Variants in PRR7 observed in about 807,000 individuals in gnomAD.
PRR7 encodes proline-rich protein 7.
Under a neutral mutation model 18.5 loss-of-function variants are expected in PRR7, and 8 were observed. The ratio of observed to expected loss-of-function variants is 0.43; its 90% CI spans 0.25 to 0.78. The LOEUF (loss-of-function observed/expected upper bound fraction) is 0.78, where lower values mean the gene tolerates loss of function less well. Among genes scored for constraint, PRR7 ranks in the 30% least tolerant of loss-of-function variants. PRR7 has a pLI of 0.22. For synonymous variants in PRR7, 221 were observed against 187.7 expected (o/e 1.18, Z -1.45); for missense variants, 396 against 403.1 (o/e 0.98, Z 0.15).
chr5:177,455,236 G>A lies in PRR7; in HGVS notation c.169G>A (p.Glu57Lys). 1 of 1,560,744 alleles carries A rather than the reference G, an allele frequency of 6.4e-7. No homozygotes were observed. Among genetic ancestry groups the A allele is most frequent in the Non-Finnish European group, 8.6e-7 (1 of 1,162,176 alleles). Residue 57 changes from glutamate to lysine, a missense_variant, in exon 3 of 4, where the codon GAG (glutamate) becomes AAG (lysine). Transcript: ENST00000323249. The surrounding 1 kb of genome is among the most constrained non-coding windows in gnomAD (Gnocchi z 6.9). ...GCAGAACCTGCGCGCCCTAGAGCTGGAGCCCCTCGAACTCGAGGGCAGTCT... is the reference window on the plus strand; with the variant it reads ...GCAGAACCTGCGCGCCCTAGAGCTGAAGCCCCTCGAACTCGAGGGCAGTCT... ...REQNLRALEL[E>K]PLELEGSLAG...
In PRR7 at chr5:177,455,092, A is replaced by G; in HGVS notation, c.25A>G (p.Thr9Ala). The G allele has an allele frequency of 6.7e-7, 1 of 1,494,856 alleles. No homozygotes were observed. The highest frequency in any genetic ancestry group is 8.9e-7 in the Non-Finnish European group (1 of 1,121,860). 92.6% of individuals were successfully genotyped at this position (1,494,856 alleles called of 1,614,324 possible). A position where few individuals can be genotyped will look rare whatever the true frequency, so the allele number is the denominator to read the frequency against. Residue 9 changes from threonine to alanine, a missense_variant, in exon 3 of 4, where the codon ACG (threonine) becomes GCG (alanine). Thr to Ala is a moderately conservative substitution (Grantham distance 58). This residue lies in a region of PRR7 where 13 missense variants were observed against 30.6 expected (regional missense o/e 0.43). Transcript: ENST00000323249. The surrounding 1 kb of genome is among the most constrained non-coding windows in gnomAD (Gnocchi z 6.9). MVMSQGTY[T>A]FLTCFAGFWL... ...CATGGTGATGTCCCAGGGCACCTAC[A>G]CGTTCCTCACGTGCTTCGCCGGCTT...
rs1756278672 is a variant in PRR7, at chr5:177,454,075, A to G, written c.-240+35A>G. ...AAAGACTAGCTTCCAACCCTCATCTAGTTTTCCTCCCCTCCGCGAGAGGGA... is the reference window on the plus strand; with the variant it reads ...AAAGACTAGCTTCCAACCCTCATCTGGTTTTCCTCCCCTCCGCGAGAGGGA... On this transcript the variant is annotated intron_variant, in intron 2 of 3. Coordinates refer to ENST00000323249, the MANE Select transcript of PRR7 (RefSeq NM_030567.5). The surrounding 1 kb of genome is among the most constrained non-coding windows in gnomAD (Gnocchi z 4.7). 1 of 152,376 alleles carries G rather than the reference A, an allele frequency of 6.6e-6. No individual in the cohort carries two copies. The allele number at this position is 152,376 out of a possible 1,614,324, so 9.4% of individuals were successfully genotyped here. A position where few individuals can be genotyped will look rare whatever the true frequency, so the allele number is the denominator to read the frequency against.
Position 177,454,589 on chromosome 5 carries a change from C to T in PRR7, c.-239-240C>T, listed in dbSNP as rs941787082. 1.3e-5 allele frequency among the ~76,000 whole-genome samples: 2 copies of T among 152,076 alleles called. No individual in the cohort carries two copies. Among genetic ancestry groups the T allele is most frequent in the Non-Finnish European group, 2.9e-5 (2 of 67,962 alleles). On this transcript the variant is annotated intron_variant, in intron 2 of 3. Transcript: ENST00000323249. This position sits in a 1 kb window ranked among gnomAD's most constrained non-coding sequence, Gnocchi z 4.7. The stretch of plus-strand genomic sequence containing the variant: ...GTCCTTCGCGCGCCCCCTGCTGGCC[C>T]GCCTCGGCTCCCCTCGGCGCCCGGG...
At position 177,454,878 on chromosome 5, in the gene PRR7, G is replaced by A; in HGVS notation, c.-190G>A. 1.4e-6 allele frequency: 1 copy of A among 723,608 alleles called. No homozygotes were observed. Among genetic ancestry groups the A allele is most frequent in the Non-Finnish European group, 1.9e-6 (1 of 535,830 alleles). 44.8% of individuals were successfully genotyped at this position (723,608 alleles called of 1,614,324 possible). Reference sequence around the variant, plus strand: ...ACGCCCGCGCGCCCGCCGGCGCCATGGGAAGGAGCGGGCGCCGCTGCTGTC... The same window carrying A: ...ACGCCCGCGCGCCCGCCGGCGCCATAGGAAGGAGCGGGCGCCGCTGCTGTC... On this transcript the variant is annotated 5_prime_UTR_variant, in exon 3 of 4. An upstream start codon of the reference 5' UTR is lost. Transcript: ENST00000323249. This position sits in a 1 kb window ranked among gnomAD's most constrained non-coding sequence, Gnocchi z 4.7.
chr5:177,455,259 T>A lies in PRR7; in HGVS notation c.192T>A (p.Ser64Arg). The change falls in exon 3 of 4, where the codon AGT (serine) becomes AGA (arginine). Residue 64 changes from serine (S) to arginine (R), a missense_variant. Transcript: ENST00000323249. The surrounding 1 kb of genome is among the most constrained non-coding windows in gnomAD (Gnocchi z 6.9). ...LELEPLELEGSLAGSPPGLAP... is the reference protein window; with the variant it reads ...LELEPLELEGRLAGSPPGLAP... Reference sequence around the variant, plus strand: ...TGGAGCCCCTCGAACTCGAGGGCAGTCTGGCCGGGAGCCCCCCGGGCCTGG... The same window carrying A: ...TGGAGCCCCTCGAACTCGAGGGCAGACTGGCCGGGAGCCCCCCGGGCCTGG... 2 of 1,538,398 alleles carry A rather than the reference T, an allele frequency of 1.3e-6. No homozygotes were observed. The highest frequency in any genetic ancestry group is 1.7e-6 in the Non-Finnish European group (2 of 1,151,232).
At chr5:177,451,286 G>A (rs1189935966) in intron 1 of PRR7, among the ~76,000 whole-genome samples, 1 of 152,224 alleles carries the variant, frequency 6.6e-6, no homozygotes, top group Non-Finnish European at 1.5e-5. Context: ...CTTGAGCCAA[G>A]TGTTCTCATC....
At position 177,449,131 on chromosome 5, in the gene PRR7, C is replaced by T. The variant is rs1756061095; in HGVS notation, c.-325+2171C>T. Among the ~76,000 whole-genome samples the T allele has an allele frequency of 6.6e-6, 1 of 152,196 alleles. No individual in the cohort carries two copies. Among genetic ancestry groups the T allele is most frequent in the African/African-American group, 2.4e-5 (1 of 41,448 alleles). ...AATCTCCTGGATTTTTAAATGTTGG[C>T]AATTAATCAGAATGTTTTTAAAAAT... On this transcript the variant is annotated intron_variant, in intron 1 of 3. Transcript: ENST00000323249. The surrounding 1 kb of genome is among the most constrained non-coding windows in gnomAD (Gnocchi z 4.2).
In PRR7 at chr5:177,454,939, G is replaced by A. The variant is rs528469620; in HGVS notation, c.-129G>A. 1.6e-5 allele frequency: 20 copies of A among 1,245,900 alleles called. No homozygotes were observed. In the African/African-American group the frequency reaches 2.8e-4, roughly 17 times the overall value. 77.2% of individuals were successfully genotyped at this position (1,245,900 alleles called of 1,614,324 possible). A position where few individuals can be genotyped will look rare whatever the true frequency, so the allele number is the denominator to read the frequency against. On this transcript the variant is annotated 5_prime_UTR_variant, in exon 3 of 4. Transcript: ENST00000323249. The surrounding 1 kb of genome is among the most constrained non-coding windows in gnomAD (Gnocchi z 4.7). ...GCGCGCACGACTTGAGACCTGCCAC[G>A]GGCAGCCCCCGGCCGCGGGTCCCCG...
At chr5:177,452,069 G>T (rs187856897) in intron 1 of PRR7, among the ~76,000 whole-genome samples, 1 of 152,214 alleles carries the variant, frequency 6.6e-6, no homozygotes, top group South Asian at 2.1e-4. Flanking sequence ...CATGCAGAGC[G>T]ATATGGTTCA....
rs765953103 is a variant in PRR7, at chr5:177,456,010, G to A, written c.714G>A (p.Arg238=). ...GCCTGCAGGCCGACCGTGGCCGCCG[G>A]GTCTTCCCCAGCTGGACCGACTCAG... ...ALCLQADRGR[R]VFPSWTDSEL... Residue 238 remains arginine, a synonymous_variant, in exon 4 of 4, where the codon CGG becomes CGA. Coordinates refer to ENST00000323249, the MANE Select transcript of PRR7 (RefSeq NM_030567.5). The A allele has an allele frequency of 1.9e-5, 30 of 1,581,338 alleles. No homozygotes were observed. The highest frequency in any genetic ancestry group is 5.3e-5 in the Admixed American group (3 of 56,934).
At chr5:177,448,939 A>T (rs1255659979) in intron 1 of PRR7, among the ~76,000 whole-genome samples, 1 of 152,190 alleles carries the variant, frequency 6.6e-6, no homozygotes, top group Non-Finnish European at 1.5e-5. Context: ...GTCTAGCTCC[A>T]GGCATTGGAA....
Position 177,449,322 on chromosome 5 carries a change from C to T in PRR7, c.-325+2362C>T, listed in dbSNP as rs1756072397. Among the ~76,000 whole-genome samples the T allele has an allele frequency of 6.6e-6, 1 of 152,166 alleles. No homozygotes were observed. Among genetic ancestry groups the T allele is most frequent in the South Asian group, 2.1e-4 (1 of 4,828 alleles). ...CAGGGGCTGCTTTCTGCATTTGAGC[C>T]TCTTGAGGCTGCAGGGTGATCCCTC... On this transcript the variant is annotated intron_variant, in intron 1 of 3. Transcript: ENST00000323249. The surrounding 1 kb of genome is among the most constrained non-coding windows in gnomAD (Gnocchi z 4.2).
At chr5:177,452,144 G>A (rs190434434) in intron 1 of PRR7, among the ~76,000 whole-genome samples, 82 of 152,318 alleles carry the variant, frequency 5.4e-4, no homozygotes, top group Non-Finnish European at 9.0e-4. Flanking sequence ...AAGAAAGTAA[G>A]AAAAGAGAAA....
rs1239323655 is a variant in PRR7 at position 177,456,095 on chromosome 5, T to G, written c.799T>G (p.Leu267Val). The G allele has an allele frequency of 2.4e-5, 38 of 1,552,706 alleles. No homozygotes were observed. The highest frequency in any genetic ancestry group is 2.6e-5 in the Non-Finnish European group (30 of 1,157,610). Residue 267 changes from leucine to valine, a missense_variant, in exon 4 of 4, where the codon TTG (leucine) becomes GTG (valine). Transcript: ENST00000323249. ...GAWRLPVSIPLFGRTTAV is the reference protein window; with the variant it reads ...GAWRLPVSIPVFGRTTAV ...TTGGCGTCTGCCGGTCTCCATCCCC[T>G]TGTTCGGGAGGACTACAGCCGTATA...
At chr5:177,447,581 A>T (rs1259190320) in intron 1 of PRR7, 1 of 17,696 alleles carries the variant, frequency 5.7e-5, no homozygotes, top group Non-Finnish European at 1.3e-4. Context: ...GCCACCACCT[A>T]ATCGCGCCGG....
At chr5:177,446,117 T>C (rs1432192199), upstream of PRR7, 1 of 152,014 alleles carries the variant, frequency 6.6e-6, no homozygotes, top group Admixed American at 6.6e-5. This position sits in a 1 kb window ranked among gnomAD's most constrained non-coding sequence, Gnocchi z 5.3. Context: ...AGTAGAGAAG[T>C]TGGACGAAAA....
In PRR7 at chr5:177,446,876, C is replaced by A. The variant is rs1270624217; in HGVS notation, c.-409C>A. ...GCTCCCCCGGGCCGCCGCCGCCTCC[C>A]CCCGCAGGCCCGGGGCTCTGTCCGC... On this transcript the variant is annotated 5_prime_UTR_variant, in exon 1 of 4. Transcript: ENST00000323249. This position sits in a 1 kb window ranked among gnomAD's most constrained non-coding sequence, Gnocchi z 5.3. The A allele has an allele frequency of 6.6e-6, 1 of 151,600 alleles. No individual in the cohort carries two copies. The highest frequency in any genetic ancestry group is 1.5e-5 in the Non-Finnish European group (1 of 67,910). The allele number at this position is 151,600 out of a possible 1,614,324, so 9.4% of individuals were successfully genotyped here. A position where few individuals can be genotyped will look rare whatever the true frequency, so the allele number is the denominator to read the frequency against.
At position 177,455,738 on chromosome 5, in the gene PRR7, T is replaced by A. The variant is rs770491389; in HGVS notation, c.442T>A (p.Ser148Thr). The A allele has an allele frequency of 1.2e-6, 2 of 1,602,412 alleles. No individual in the cohort carries two copies. The highest frequency in any genetic ancestry group is 1.7e-6 in the Non-Finnish European group (2 of 1,174,138). The change falls in exon 4 of 4, where the codon TCC (serine) becomes ACC (threonine). Residue 148 changes from serine to threonine, a missense_variant. Coordinates refer to ENST00000323249, the MANE Select transcript of PRR7 (RefSeq NM_030567.5). This position sits in a 1 kb window ranked among gnomAD's most constrained non-coding sequence, Gnocchi z 6.9. Reference protein sequence around the residue: ...SYPRQAESDMSKPPCYEEAVL... With the variant: ...SYPRQAESDMTKPPCYEEAVL... ...CCACTCCGCAGCGGAATCGGACATG[T>A]CCAAACCACCGTGTTACGAAGAGGC...
intron 1 of PRR7, chr5:177,447,589 C>T (rs1755959879): frequency 7.5e-6 from 1 of 133,588 alleles, no homozygotes; most frequent in African/African-American, 2.7e-5. Flanking sequence ...CTAATCGCGC[C>T]GGCCCTGGAC....
Sources: gnomAD v4.1 joint callset for allele counts (sites outside exome capture counted in the v4.1 genomes callset) on GRCh38, gnomAD v4.1.1 for gene constraint, gnomAD v4.1.1 regional missense constraint, Gnocchi (gnomAD v3.1) non-coding constraint, MANE v1.5 for transcripts, NCBI Gene and HGNC (gene_info 2026-07-23, HGNC 2026-07-21) for gene names.